Variants in PXDNL observed in about 807,000 individuals in gnomAD.
PXDNL encodes probable oxidoreductase PXDNL.
PXDNL carries 145 observed loss-of-function variants against 150.8 expected under a neutral mutation model. That is an observed-to-expected ratio of 0.96 (90% CI 0.84 to 1.10). The LOEUF (loss-of-function observed/expected upper bound fraction) is 1.10. PXDNL is among the 50% of genes least tolerant of loss of function. PXDNL has a pLI of 0.00. For synonymous variants in PXDNL, 757 were observed against 725.7 expected, an observed-to-expected ratio of 1.04 and a Z score of -0.69; for missense variants, 2,087 against 1,873.9, an observed-to-expected ratio of 1.11 and a Z score of -2.10.
intron 12 of PXDNL, among the ~76,000 whole-genome samples, chr8:51,444,491 A>C (rs535347498): frequency 2.0e-5 from 3 of 152,308 alleles, no homozygotes; most frequent in African/African-American, 4.8e-5. Flanking sequence ...ACATTCCTTA[A>C]ATAAAATAGT....
At chr8:51,613,486 G>GC (rs1358391892) in intron 2 of PXDNL, among the ~76,000 whole-genome samples, 4 of 84,416 alleles carry the variant, frequency 4.7e-5, no homozygotes, top group Non-Finnish European at 1.2e-4. Context: ...TAAGGGGGCG[G>GC]GGGGGGGGCA....
chr8:51,641,712 G>A lies in PXDNL; in HGVS notation c.236+12977C>T, dbSNP rs531945848. 6.6e-3 allele frequency among the ~76,000 whole-genome samples: 998 copies of A among 151,932 alleles called. 9 individuals carry two copies. The highest frequency in any genetic ancestry group is 0.01 in the Non-Finnish European group (707 of 67,936). On this transcript the variant is annotated intron_variant, in intron 2 of 22. Coordinates refer to ENST00000356297, the MANE Select transcript of PXDNL (RefSeq NM_144651.5). The stretch of plus-strand genomic sequence containing the variant: ...ATTAAAAAGTCAGGAAACAACAGGT[G>A]CTGGAGAGGATGTGGAGAAATAGGA...
intron 1 of PXDNL, among the ~76,000 whole-genome samples, chr8:51,694,349 C>T (rs1026539970): frequency 6.9e-6 from 1 of 145,172 alleles, no homozygotes; most frequent in Non-Finnish European, 1.5e-5. Context: ...AGCAATAGAG[C>T]GAGACTCCGT....
At chr8:51,658,914 G>T (rs186321084) in intron 1 of PXDNL, among the ~76,000 whole-genome samples, 184 of 152,116 alleles carry the variant, frequency 1.2e-3, no homozygotes, top group African/African-American at 4.3e-3. Flanking sequence ...AGACATTTTG[G>T]TTGTTTCCAA....
intron 5 of PXDNL, among the ~76,000 whole-genome samples, chr8:51,488,789 GAGGTTAATT>G (rs1173243007): frequency 6.6e-6 from 1 of 152,152 alleles, no homozygotes; most frequent in Non-Finnish European, 1.5e-5. Context: ...CAAGGCATGG[GAGGTTAATT>G]AGGAACATGA....
At position 51,621,798 on chromosome 8, in the gene PXDNL, G is replaced by C. The variant is rs1363621602; in HGVS notation, c.237-29100C>G. 3.3e-5 allele frequency among the ~76,000 whole-genome samples: 5 copies of C among 151,918 alleles called. No individual in the cohort carries two copies. In the South Asian group the frequency reaches 1.0e-3, roughly 32 times the overall value. The stretch of plus-strand genomic sequence containing the variant: ...CTACAAAAAATACAAAAATTAGCTA[G>C]GCCTGGTGACTTGCACCTGTAGTTT... On this transcript the variant is annotated intron_variant, in intron 2 of 22. Coordinates refer to ENST00000356297, the MANE Select transcript of PXDNL (RefSeq NM_144651.5).
chr8:51,580,800 C>T (rs896059760), intron 3 of PXDNL, among the ~76,000 whole-genome samples: 2 of 152,076 alleles, frequency 1.3e-5, no homozygotes, highest in African/African-American at 2.4e-5. Context: ...AAAGAAATAA[C>T]GTCTCACATG....
intron 1 of PXDNL, among the ~76,000 whole-genome samples, chr8:51,757,912 A>AT (rs34841228): frequency 0.061 from 9,322 of 152,272 alleles, 382 homozygotes; most frequent in Non-Finnish European, 0.087. Context: ...ATCTAAAGAA[A>AT]TTTAAAAAAT....
intron 8 of PXDNL, among the ~76,000 whole-genome samples, chr8:51,470,781 T>C (rs181615446): frequency 0.02 from 3,011 of 152,224 alleles, 53 homozygotes; most frequent in South Asian, 0.038. Context: ...TGGCTAGCCA[T>C]ATTCAGAAAA....
chr8:51,805,284 T>C (rs1219985458), intron 1 of PXDNL, among the ~76,000 whole-genome samples: 1 of 150,914 alleles, frequency 6.6e-6, no homozygotes, highest in Admixed American at 6.6e-5. Context: ...AAGGTAAAAG[T>C]AAGCCCTATT....
At chr8:51,565,497 A>T (rs1231565555) in intron 3 of PXDNL, among the ~76,000 whole-genome samples, 1 of 151,626 alleles carries the variant, frequency 6.6e-6, no homozygotes, top group Non-Finnish European at 1.5e-5. Flanking sequence ...TCTGCACACT[A>T]TATTTTTTCA....
chr8:51,531,670 C>G (rs1448469475), intron 4 of PXDNL, among the ~76,000 whole-genome samples: 1 of 152,176 alleles, frequency 6.6e-6, no homozygotes, highest in African/African-American at 2.4e-5. Flanking sequence ...TAAACCCTAA[C>G]TTATACAGAT....
intron 1 of PXDNL, among the ~76,000 whole-genome samples, chr8:51,669,636 A>G (rs899591965): frequency 5.3e-5 from 8 of 152,142 alleles, no homozygotes; most frequent in African/African-American, 1.9e-4. Flanking sequence ...TACACACAAC[A>G]CACACTCCAA....
At chr8:51,514,010 T>G (rs1811479983) in intron 4 of PXDNL, among the ~76,000 whole-genome samples, 1 of 152,244 alleles carries the variant, frequency 6.6e-6, no homozygotes, top group South Asian at 2.1e-4. Context: ...ATTTCACTTC[T>G]GGATGTAAGC....
In PXDNL at chr8:51,449,135, A is replaced by G. The variant is rs1002854486; in HGVS notation, c.1250-17T>C. 2.2e-6 allele frequency: 3 copies of G among 1,344,420 alleles called. No individual in the cohort carries two copies. The highest frequency in any genetic ancestry group is 2.5e-5 in the East Asian group (1 of 39,512). 83.3% of individuals were successfully genotyped at this position (1,344,420 alleles called of 1,614,324 possible). On this transcript the variant is annotated splice_polypyrimidine_tract_variant and intron_variant, in intron 10 of 22. Coordinates refer to ENST00000356297, the MANE Select transcript of PXDNL (RefSeq NM_144651.5). ...GTGGAGGAGCTAAAGAGAATGAAACATACATCAAAATTGAAAATTATTTTA... is the reference window on the plus strand; with the variant it reads ...GTGGAGGAGCTAAAGAGAATGAAACGTACATCAAAATTGAAAATTATTTTA...
At chr8:51,447,213 C>G in intron 11 of PXDNL, 51 bp from the exon 12 acceptor site, 1 of 1,580,902 alleles carries the variant, frequency 6.3e-7, no homozygotes, top group Non-Finnish European at 8.6e-7. Context: ...GCACTGAAAG[C>G]CAGAGCTGCT....
chr8:51,738,939 A>G (rs1320676935), intron 1 of PXDNL, among the ~76,000 whole-genome samples: 2 of 151,374 alleles, frequency 1.3e-5, no homozygotes, highest in Admixed American at 1.3e-4. Context: ...GTACAAAAAA[A>G]AAGAAAACTA....
intron 1 of PXDNL, among the ~76,000 whole-genome samples, chr8:51,767,452 CAGTTAGCTAATTGTT>C (rs1299512284): frequency 2.0e-5 from 3 of 152,136 alleles, no homozygotes; most frequent in Admixed American, 6.5e-5. Context: ...AGTTTCTACT[CAGTTAGCTAATTGTT>C]AGTTAGCTAA....
Position 51,493,887 on chromosome 8 carries a change from C to T in PXDNL, c.452+5812G>A, listed in dbSNP as rs148202672. ...ATATTATCCAGGAGAACTTCCCAAT[C>T]TAGCAAGGCAGGCCAACATTCAAAT... On this transcript the variant is annotated intron_variant, in intron 5 of 22. Transcript: ENST00000356297. 1.5e-3 allele frequency among the ~76,000 whole-genome samples: 233 copies of T among 152,322 alleles called. 1 individual carries two copies. Among genetic ancestry groups the T allele is most frequent in the Middle Eastern group, 6.8e-3 (2 of 294 alleles).
Sources: gnomAD v4.1 joint callset for allele counts (sites outside exome capture counted in the v4.1 genomes callset) on GRCh38, gnomAD v4.1.1 for gene constraint, MANE v1.5 for transcripts, NCBI Gene and HGNC (gene_info 2026-07-23, HGNC 2026-07-21) for gene names.